The following CD99L2 variants were observed in gnomAD, a reference collection of about 807,000 sequenced individuals.
The protein encoded by CD99L2 is CD99 antigen-like protein 2.
CD99L2 carries 24 observed loss-of-function variants against 27.3 expected under a neutral mutation model. That is an observed-to-expected ratio of 0.88 (90% CI 0.64 to 1.24). CD99L2 has a LOEUF of 1.24. Among genes scored for constraint, CD99L2 ranks in the 50% most tolerant of loss-of-function variants. The probability of loss-of-function intolerance (pLI) is 0.00; values close to 1 mark genes in which losing one functional copy is unlikely to be tolerated. For missense variants in CD99L2, 255 were observed against 221.6 expected (o/e 1.15, Z -0.96); for synonymous variants, 97 against 87.9 (o/e 1.10, Z -0.58).
intron 9 of CD99L2, chrX:150,771,779 A>C (rs1361513345): frequency 3.6e-5 from 41 of 1,153,131 alleles, no homozygotes; most frequent in Non-Finnish European, 4.7e-5. Context: ...AGCAAAAGGA[A>C]AGTGAGGAAG....
chrX:150,837,180 G>C (rs1557421228), intron 1 of CD99L2, among the ~76,000 whole-genome samples: 1 of 111,736 alleles, frequency 8.9e-6, no homozygotes, highest in African/African-American at 3.3e-5. Context: ...GATTTGACTG[G>C]GACAGAAAAT....
chrX:150,879,377 T>C (rs141035068), intron 1 of CD99L2, among the ~76,000 whole-genome samples: 1,278 of 111,406 alleles, frequency 0.011, 17 homozygotes, highest in African/African-American at 0.039. Context: ...AAGGTGGCAA[T>C]TGAAAACATA....
intron 1 of CD99L2, among the ~76,000 whole-genome samples, chrX:150,892,076 C>T (rs1474108690): frequency 9.1e-6 from 1 of 109,781 alleles, no homozygotes; most frequent in Non-Finnish European, 1.9e-5. Flanking sequence ...AAAAAATTAG[C>T]CGGGTGTGGT....
intron 2 of CD99L2, among the ~76,000 whole-genome samples, chrX:150,826,798 G>A (rs782038949): frequency 2.2e-4 from 24 of 111,515 alleles, no homozygotes; most frequent in African/African-American, 6.5e-4. Flanking sequence ...GCTGCCTTCC[G>A]GGCCACAGAG....
chrX:150,822,209 T>C lies in CD99L2; in HGVS notation c.131-6131A>G, dbSNP rs1322244903. On this transcript the variant is annotated intron_variant, in intron 2 of 10. Coordinates refer to ENST00000370377, the MANE Select transcript of CD99L2 (RefSeq NM_031462.4). ...GCCATAAAAAGGAATGAAGTACTTA[T>C]ACATGCTACAACATGGAAGTGCCTC... is the stretch of plus-strand genomic sequence containing the variant. 2.7e-5 allele frequency among the ~76,000 whole-genome samples: 3 copies of C among 112,184 alleles called. No homozygotes were observed. The East Asian group carries it at 8.3e-4, about 31-fold the overall frequency.
At chrX:150,870,980 G>A (rs2047148108) in intron 1 of CD99L2, among the ~76,000 whole-genome samples, 1 of 111,984 alleles carries the variant, frequency 8.9e-6, no homozygotes, top group African/African-American at 3.2e-5. Context: ...AGGAACTAGC[G>A]AAACAATCCC....
chrX:150,795,432 G>A lies in CD99L2; in HGVS notation c.332C>T (p.Pro111Leu). The A allele has an allele frequency of 8.3e-7, 1 of 1,211,525 alleles. No homozygotes were observed. ...GGCCACCTTACCTAAAGTATTTGCT[G>A]GAGCTCTGGTGGTTACTGGCCTCTT... ...TTKRPVTTRA[P>L]ANTLGNDFDL... is the part of the protein sequence containing the mutation. Residue 111 changes from proline (P) to leucine (L), a missense_variant, in exon 5 of 11, where the codon CCA becomes CTA. Physicochemically the swap from Pro to Leu is moderately conservative, Grantham distance 98. Transcript: ENST00000370377.
intron 9 of CD99L2, among the ~76,000 whole-genome samples, 191 bp from the exon 10 acceptor site, chrX:150,770,560 T>C (rs2043427485): frequency 8.9e-6 from 1 of 112,544 alleles, no homozygotes; most frequent in Admixed American, 9.3e-5. Flanking sequence ...CAGAATTCAC[T>C]GCCCAGGAGT....
chrX:150,807,380 T>C (rs1023132896), intron 4 of CD99L2, among the ~76,000 whole-genome samples: 4 of 111,587 alleles, frequency 3.6e-5, no homozygotes, highest in Non-Finnish European at 7.5e-5. Context: ...AACTCGTCTT[T>C]TGGGTCATCA....
In CD99L2 at chrX:150,846,772, G is replaced by A. The variant is rs2046709787; in HGVS notation, c.68-15479C>T. On this transcript the variant is annotated intron_variant, in intron 1 of 10. Transcript: ENST00000370377. ...ATAAGCCTTTAGATTCTACTGATAC[G>A]ACATAAGTTTGGGAAACTGAGGCAC... Among the ~76,000 whole-genome samples the A allele has an allele frequency of 2.7e-5, 3 of 111,515 alleles. No individual in the cohort carries two copies. The South Asian group carries it at 1.1e-3, about 42-fold the overall frequency.
At chrX:150,816,931 G>C (rs1290078523) in intron 2 of CD99L2, among the ~76,000 whole-genome samples, 1 of 107,307 alleles carries the variant, frequency 9.3e-6, no homozygotes, top group Admixed American at 1.0e-4. Context: ...ATCATCCTCA[G>C]TAAACTATCG....
intron 1 of CD99L2, among the ~76,000 whole-genome samples, chrX:150,866,469 A>G (rs1466727599): frequency 9.0e-6 from 1 of 111,653 alleles, no homozygotes; most frequent in Non-Finnish European, 1.9e-5. Flanking sequence ...GCAGTGGCTC[A>G]TGCCTGTAAT....
chrX:150,894,758 T>C (rs1265466845), intron 1 of CD99L2, among the ~76,000 whole-genome samples: 1 of 110,294 alleles, frequency 9.1e-6, no homozygotes, highest in African/African-American at 3.3e-5. Context: ...TGGCTAATTT[T>C]TGTATTTTTT....
At chrX:150,792,169 A>G (rs931736555) in intron 7 of CD99L2, among the ~76,000 whole-genome samples, 6 of 112,143 alleles carry the variant, frequency 5.4e-5, no homozygotes, top group South Asian at 3.7e-4. Context: ...GGCAGAGGGT[A>G]TAACTTAAGC....
At chrX:150,851,174 T>TC (rs1460616592) in intron 1 of CD99L2, among the ~76,000 whole-genome samples, 3 of 111,825 alleles carry the variant, frequency 2.7e-5, no homozygotes, top group Admixed American at 1.9e-4. Context: ...GTGAAAGCCC[T>TC]CCCCTCCAAG....
chrX:150,860,297 T>C (rs1557421873), intron 1 of CD99L2, among the ~76,000 whole-genome samples: 2 of 55,252 alleles, frequency 3.6e-5, no homozygotes, highest in East Asian at 1.2e-3. Flanking sequence ...AAACTCAAAC[T>C]AGGCATAGAA....
chrX:150,865,932 C>T (rs2047053437), intron 1 of CD99L2, among the ~76,000 whole-genome samples: 2 of 111,294 alleles, frequency 1.8e-5, no homozygotes, highest in Admixed American at 1.9e-4. Context: ...ACCAGCCTGG[C>T]CAACGTAGTG....
intron 1 of CD99L2, among the ~76,000 whole-genome samples, chrX:150,864,255 C>T (rs2047025481): frequency 8.9e-6 from 1 of 112,054 alleles, no homozygotes; most frequent in South Asian, 3.7e-4. Context: ...CAAATGACAT[C>T]TTCATCTGAC....
chrX:150,824,361 G>GGAAGAAGGAAGAA (rs2046309066), intron 2 of CD99L2, among the ~76,000 whole-genome samples: 3 of 81,168 alleles, frequency 3.7e-5, no homozygotes, highest in African/African-American at 1.5e-4. Context: ...GAAGGAAGAA[G>GGAAGAAGGAAGAA]GAAGAAGAAG....
Sources: allele counts gnomAD v4.1 joint callset (sites outside exome capture counted in the v4.1 genomes callset), GRCh38; gene constraint gnomAD v4.1.1; transcripts MANE v1.5; gene names NCBI Gene and HGNC (gene_info 2026-07-23, HGNC 2026-07-21).